The following EXOC4 variants were observed in gnomAD, a reference collection of about 807,000 sequenced individuals.
EXOC4 encodes exocyst complex component 4, also known as SEC8-like 1.
EXOC4 carries 71 observed loss-of-function variants against 107.2 expected under a neutral mutation model. The ratio of observed to expected loss-of-function variants is 0.66; its 90% CI spans 0.55 to 0.81. The LOEUF (loss-of-function observed/expected upper bound fraction) is 0.81, where lower values mean the gene tolerates loss of function less well. Among genes scored for constraint, EXOC4 ranks in the 30% least tolerant of loss-of-function variants. The pLI is 0.00. For synonymous variants in EXOC4, 456 were observed against 441.2 expected (o/e 1.03, Z -0.42); for missense variants, 1,108 against 1,189.6 (o/e 0.93, Z 1.01).
intron 11 of EXOC4, among the ~76,000 whole-genome samples, chr7:133,880,244 C>A (rs1373693385): frequency 2.0e-5 from 3 of 152,136 alleles, no homozygotes; most frequent in Non-Finnish European, 4.4e-5. Flanking sequence ...AGTAGATTAC[C>A]ATCACCCCTG....
chr7:133,624,319 G>A (rs1222972883), intron 9 of EXOC4, among the ~76,000 whole-genome samples: 1 of 152,120 alleles, frequency 6.6e-6, no homozygotes, highest in Admixed American at 6.5e-5. Flanking sequence ...ATAAAGAGTA[G>A]GGCTGGGTAC....
At chr7:133,817,127 C>T (rs1354336005) in intron 10 of EXOC4, among the ~76,000 whole-genome samples, 198 bp from the exon 11 acceptor site, 1 of 151,914 alleles carries the variant, frequency 6.6e-6, no homozygotes, top group Admixed American at 6.6e-5. Flanking sequence ...GTCATGTTTT[C>T]TGTTTCATCC....
chr7:134,090,435 G>T, the EXOC4 span, among the ~76,000 whole-genome samples: 3 of 152,272 alleles, frequency 2.0e-5, no homozygotes, highest in African/African-American at 7.2e-5. Context: ...GAACAATACA[G>T]AAAAATGCAC....
intron 11 of EXOC4, among the ~76,000 whole-genome samples, chr7:133,892,852 G>A (rs1799225944): frequency 1.4e-5 from 2 of 143,808 alleles, no homozygotes; most frequent in African/African-American, 5.5e-5. Flanking sequence ...CCAACTATGT[G>A]GTCAATTTTG....
At chr7:133,799,791 AAGACC>A (rs1796895061) in intron 10 of EXOC4, among the ~76,000 whole-genome samples, 1 of 152,186 alleles carries the variant, frequency 6.6e-6, no homozygotes, top group African/African-American at 2.4e-5. Flanking sequence ...AGGAATGGAA[AAGACC>A]AGACCAGAGA....
At chr7:134,074,460 TG>T in the EXOC4 span, among the ~76,000 whole-genome samples, 1 of 152,148 alleles carries the variant, frequency 6.6e-6, no homozygotes, top group Admixed American at 6.5e-5. Flanking sequence ...TAATTTTGGG[TG>T]GGGGGTTGGC....
chr7:133,889,200 A>G (rs1472510407), intron 11 of EXOC4, among the ~76,000 whole-genome samples: 3 of 152,176 alleles, frequency 2.0e-5, no homozygotes, highest in Non-Finnish European at 4.4e-5. Flanking sequence ...CCAACTGAAT[A>G]TGCATTTTCT....
intron 13 of EXOC4, among the ~76,000 whole-genome samples, chr7:133,937,192 C>G (rs1800324231): frequency 6.6e-6 from 1 of 152,134 alleles, no homozygotes; most frequent in Non-Finnish European, 1.5e-5. Context: ...CCCCGCCCTG[C>G]CCCCTGCAAA....
At chr7:133,535,206 G>A (rs1319469743) in intron 9 of EXOC4, among the ~76,000 whole-genome samples, 3 of 152,108 alleles carry the variant, frequency 2.0e-5, no homozygotes, top group African/African-American at 7.2e-5. Context: ...CATTGTGGGA[G>A]GTTAAGTGTC....
At position 133,604,706 on chromosome 7, in the gene EXOC4, C is replaced by CTTTTTTTTTTTT. The variant is rs1554477961; in HGVS notation, c.1418-25336_1418-25335insTTTTTTTTTTTT. Reference sequence around the variant, plus strand: ...TTTTTCTTTCCTTCCTTCCTTCCTTCTTTCTTTTTTTTTTTTTTTTTTTTT... The same window carrying CTTTTTTTTTTTT: ...TTTTTCTTTCCTTCCTTCCTTCCTTCTTTTTTTTTTTTTTTCTTTTTTTTTTTTTTTTTTTTT... On this transcript the variant is annotated intron_variant, in intron 9 of 17. Coordinates refer to ENST00000253861, the MANE Select transcript of EXOC4 (RefSeq NM_021807.4). Among the ~76,000 whole-genome samples the CTTTTTTTTTTTT allele has an allele frequency of 4.6e-3, 399 of 87,434 alleles. 51 individuals carry two copies. The highest frequency in any genetic ancestry group is 0.014 in the Middle Eastern group (2 of 138). 57.4% of individuals were successfully genotyped at this position (87,434 alleles called of 152,430 possible).
intron 9 of EXOC4, among the ~76,000 whole-genome samples, chr7:133,484,523 T>G (rs1039185664): frequency 6.6e-6 from 1 of 151,976 alleles, no homozygotes; most frequent in African/African-American, 2.4e-5. Context: ...GATGAACACA[T>G]TATCTGGTGA....
At chr7:133,940,674 G>T (rs144896697) in intron 14 of EXOC4, among the ~76,000 whole-genome samples, 1 of 152,096 alleles carries the variant, frequency 6.6e-6, no homozygotes, top group African/African-American at 2.4e-5. Flanking sequence ...GCCCATTGAT[G>T]TTTATAATTT....
intron 14 of EXOC4, among the ~76,000 whole-genome samples, chr7:133,961,625 T>C (rs530283927): frequency 1.3e-5 from 2 of 152,266 alleles, no homozygotes; most frequent in East Asian, 3.9e-4. Flanking sequence ...AATTGTAAGA[T>C]AATAAATGGA....
chr7:133,522,163 A>G (rs1238620236), intron 9 of EXOC4, among the ~76,000 whole-genome samples: 1 of 152,150 alleles, frequency 6.6e-6, no homozygotes, highest in Non-Finnish European at 1.5e-5. Context: ...ACAAACATAC[A>G]AACAAACCCC....
rs1461491191 is a variant in EXOC4, at chr7:134,015,160, A to G, written c.2687+7325A>G. ...TGGCTTTGGGTAAGCCACAAATGCC[A>G]CCTTATTAAGGCCTTCTCTCCTGCA... On this transcript the variant is annotated intron_variant, in intron 17 of 17. Coordinates refer to ENST00000253861, the MANE Select transcript of EXOC4 (RefSeq NM_021807.4). Among the ~76,000 whole-genome samples, 3 of 152,308 alleles carry G rather than the reference A, an allele frequency of 2.0e-5. No homozygotes were observed. In the East Asian group the frequency reaches 5.8e-4, roughly 29 times the overall value.
intron 17 of EXOC4, among the ~76,000 whole-genome samples, chr7:134,033,614 G>A (rs1490612262): frequency 6.6e-6 from 1 of 152,160 alleles, no homozygotes; most frequent in African/African-American, 2.4e-5. Context: ...TGAAGGGGAG[G>A]GGAAATTACT....
intron 14 of EXOC4, among the ~76,000 whole-genome samples, chr7:133,995,848 G>A (rs3823572): frequency 0.51 from 77,865 of 151,912 alleles, 21,148 homozygotes; most frequent in African/African-American, 0.68. Context: ...AATGGATATA[G>A]TGCTGAAAGG....
chr7:133,260,124 T>C lies in EXOC4; in HGVS notation c.86+6937T>C, dbSNP rs942533734. 6.6e-5 allele frequency among the ~76,000 whole-genome samples: 10 copies of C among 152,238 alleles called. No homozygotes were observed. The East Asian group carries it at 1.9e-3, about 29-fold the overall frequency. ...TCTGTATTTGCTTTCTTTTGCAACT[T>C]TGTCAAAAACCAATTTACTTTATAT... On this transcript the variant is annotated intron_variant, in intron 1 of 17. Coordinates refer to ENST00000253861, the MANE Select transcript of EXOC4 (RefSeq NM_021807.4).
intron 13 of EXOC4, among the ~76,000 whole-genome samples, chr7:133,936,855 T>A (rs1800315608): frequency 6.6e-6 from 1 of 152,124 alleles, no homozygotes; most frequent in South Asian, 2.1e-4. Context: ...AGACGGGGTT[T>A]CACTGTTGTT....
Sources: gnomAD v4.1 joint callset for allele counts (sites outside exome capture counted in the v4.1 genomes callset) on GRCh38, gnomAD v4.1.1 for gene constraint, MANE v1.5 for transcripts, NCBI Gene and HGNC (gene_info 2026-07-23, HGNC 2026-07-21) for gene names.